Variants in PDZRN4 observed in about 807,000 individuals in gnomAD.
PDZRN4 encodes PDZ domain containing ring finger 4.
PDZRN4 carries 70 observed loss-of-function variants against 99.0 expected under a neutral mutation model. That is an observed-to-expected ratio of 0.71 (90% confidence interval 0.58 to 0.86). PDZRN4 has a LOEUF of 0.86. Among genes scored for constraint, PDZRN4 ranks in the 40% least tolerant of loss-of-function variants. The pLI is 0.00. For synonymous variants in PDZRN4, 551 were observed against 501.6 expected (o/e 1.10, Z -1.32); for missense variants, 1,474 against 1,331.2 (o/e 1.11, Z -1.67).
intron 3 of PDZRN4, among the ~76,000 whole-genome samples, chr12:41,464,771 T>C (rs1228837883): frequency 6.6e-6 from 1 of 151,784 alleles, no homozygotes; most frequent in Non-Finnish European, 1.5e-5. Context: ...AACCATTGGG[T>C]TAAATTTCAT....
At chr12:41,468,543 CTTTT>C (rs1565590844) in intron 3 of PDZRN4, among the ~76,000 whole-genome samples, 1 of 152,094 alleles carries the variant, frequency 6.6e-6, no homozygotes, top group South Asian at 2.1e-4. Context: ...TAAAAATGTA[CTTTT>C]TTTGCTTACT....
At chr12:41,502,627 G>C (rs891416791) in intron 3 of PDZRN4, among the ~76,000 whole-genome samples, 2 of 151,996 alleles carry the variant, frequency 1.3e-5, no homozygotes, top group African/African-American at 4.8e-5. Flanking sequence ...GAAATATTGG[G>C]TATCTACCCT....
At chr12:41,313,191 AC>A (rs1405450202) in intron 3 of PDZRN4, among the ~76,000 whole-genome samples, 2 of 151,952 alleles carry the variant, frequency 1.3e-5, no homozygotes, top group African/African-American at 2.4e-5. Flanking sequence ...CTTACTCCTA[AC>A]CCTTGTAAAT....
intron 3 of PDZRN4, among the ~76,000 whole-genome samples, chr12:41,500,536 A>G (rs777704197): frequency 1.9e-4 from 29 of 152,144 alleles, no homozygotes; most frequent in Non-Finnish European, 4.3e-4. Context: ...AATTATATGA[A>G]GAACACAAAC....
At chr12:41,568,589 G>C (rs1414239152) in intron 9 of PDZRN4, among the ~76,000 whole-genome samples, 1 of 152,116 alleles carries the variant, frequency 6.6e-6, no homozygotes, top group Non-Finnish European at 1.5e-5. Flanking sequence ...AAAGAAAAAT[G>C]AGCAGAACTG....
intron 3 of PDZRN4, chr12:41,437,686 G>C (rs1310617123): frequency 2.3e-6 from 3 of 1,289,212 alleles, no homozygotes; most frequent in Non-Finnish European, 3.1e-6. Context: ...TGCAGAGACG[G>C]GGGAGTGTTG....
intron 3 of PDZRN4, among the ~76,000 whole-genome samples, chr12:41,207,874 G>A (rs1591968009): frequency 6.6e-6 from 1 of 151,844 alleles, no homozygotes; most frequent in Middle Eastern, 3.4e-3. Context: ...GGAGACCTAT[G>A]GAGTTGATGG....
At chr12:41,337,948 G>A (rs1457310282) in intron 3 of PDZRN4, among the ~76,000 whole-genome samples, 2 of 151,986 alleles carry the variant, frequency 1.3e-5, no homozygotes, top group Non-Finnish European at 2.9e-5. Flanking sequence ...TTTAAGAGAT[G>A]GAGTCTTACT....
chr12:41,447,714 A>G (rs1952740894), intron 3 of PDZRN4, among the ~76,000 whole-genome samples: 1 of 152,160 alleles, frequency 6.6e-6, no homozygotes, highest in South Asian at 2.1e-4. Context: ...GTCAAGTAAC[A>G]AATTCATATT....
chr12:41,289,543 T>C (rs1213944963), intron 3 of PDZRN4, among the ~76,000 whole-genome samples: 2 of 152,180 alleles, frequency 1.3e-5, no homozygotes, highest in Non-Finnish European at 1.5e-5. Context: ...TGCATGAAGA[T>C]GGTCAATTTC....
intron 3 of PDZRN4, among the ~76,000 whole-genome samples, chr12:41,380,832 C>A (rs985214790): frequency 5.9e-5 from 9 of 152,030 alleles, no homozygotes; most frequent in African/African-American, 2.4e-5. Context: ...GTTATATATT[C>A]ATATGTTTTT....
chr12:41,407,352 G>A (rs559934563), intron 3 of PDZRN4, among the ~76,000 whole-genome samples: 1 of 152,260 alleles, frequency 6.6e-6, no homozygotes, highest in Admixed American at 6.5e-5. Context: ...ATTTGATGCT[G>A]AATTCTGAGC....
intron 3 of PDZRN4, among the ~76,000 whole-genome samples, chr12:41,414,845 T>C (rs1194521079): frequency 6.6e-6 from 1 of 151,986 alleles, no homozygotes; most frequent in Non-Finnish European, 1.5e-5. Flanking sequence ...GTAAAATGAG[T>C]AGGCATTTAC....
chr12:41,569,312 G>T (rs933081602), intron 9 of PDZRN4, among the ~76,000 whole-genome samples: 14 of 151,978 alleles, frequency 9.2e-5, no homozygotes, highest in Non-Finnish European at 1.9e-4. Context: ...TACAGATGAG[G>T]TTTCACCATG....
intron 3 of PDZRN4, among the ~76,000 whole-genome samples, chr12:41,290,036 A>C (rs2120905184): frequency 6.6e-6 from 1 of 152,316 alleles, no homozygotes; most frequent in Non-Finnish European, 1.5e-5. Context: ...ATTTGTGAGA[A>C]GCCACTGTGT....
intron 3 of PDZRN4, among the ~76,000 whole-genome samples, chr12:41,374,874 T>C (rs1390145891): frequency 6.6e-6 from 1 of 152,224 alleles, no homozygotes; most frequent in Admixed American, 6.5e-5. Flanking sequence ...ACCTAGTGAC[T>C]TTCCCCTAAC....
intron 3 of PDZRN4, among the ~76,000 whole-genome samples, chr12:41,224,066 C>T (rs768951761): frequency 2.0e-5 from 3 of 152,336 alleles, no homozygotes; most frequent in Middle Eastern, 3.4e-3. Context: ...GCCAGAGCAG[C>T]TTGCCCTTGA....
chr12:41,452,918 G>C (rs1310041391), intron 3 of PDZRN4, among the ~76,000 whole-genome samples: 2 of 151,978 alleles, frequency 1.3e-5, no homozygotes, highest in Non-Finnish European at 2.9e-5. Flanking sequence ...CGTGTGAGAA[G>C]CCTGGAGAGT....
chr12:41,519,784 C>T (rs1229319089), intron 5 of PDZRN4, among the ~76,000 whole-genome samples: 2 of 152,044 alleles, frequency 1.3e-5, no homozygotes, highest in African/African-American at 2.4e-5. Context: ...ATTGTGGTTT[C>T]CCCACACCCA....
Sources: gnomAD v4.1 joint callset for allele counts (sites outside exome capture counted in the v4.1 genomes callset) on GRCh38, gnomAD v4.1.1 for gene constraint, MANE v1.5 for transcripts, NCBI Gene and HGNC (gene_info 2026-07-23, HGNC 2026-07-21) for gene names.